The following ADGRL2 variants were observed in gnomAD, a reference collection of about 807,000 sequenced individuals.
The protein encoded by ADGRL2 is adhesion G protein-coupled receptor L2.
A neutral mutation model predicts 157.4 loss-of-function variants in ADGRL2; 44 were observed. That is an observed-to-expected ratio of 0.28 (90% CI 0.22 to 0.36). The LOEUF is 0.36. Among genes scored for constraint, ADGRL2 ranks in the 10% least tolerant of loss-of-function variants. ADGRL2 has a pLI of 1.00. For missense variants in ADGRL2, 1,510 were observed against 1,768.9 expected (o/e 0.85, Z 2.63); for synonymous variants, 585 against 624.7 (o/e 0.94, Z 0.95).
chr1:81,407,389 C>T (rs1557665956), intron 1 of ADGRL2, among the ~76,000 whole-genome samples: 1 of 152,210 alleles, frequency 6.6e-6, no homozygotes, highest in Non-Finnish European at 1.5e-5. Context: ...CCTGTTGGAA[C>T]TCTGAGACAG....
intron 2 of ADGRL2, among the ~76,000 whole-genome samples, chr1:81,493,976 G>C (rs1013172910): frequency 1.3e-5 from 2 of 152,102 alleles, no homozygotes; most frequent in East Asian, 3.9e-4. Context: ...AGTAGGACAA[G>C]ATAGAGGCAC....
chr1:81,465,406 A>G (rs1024891641), intron 2 of ADGRL2, among the ~76,000 whole-genome samples: 2 of 152,178 alleles, frequency 1.3e-5, no homozygotes, highest in Non-Finnish European at 2.9e-5. Flanking sequence ...TAAATAAGTA[A>G]AAGAAACTAA....
chr1:81,608,200 G>T (rs766549891), intron 3 of ADGRL2, among the ~76,000 whole-genome samples: 2 of 152,110 alleles, frequency 1.3e-5, no homozygotes, highest in Non-Finnish European at 2.9e-5. Flanking sequence ...CTTCAGGAAG[G>T]TTCACTGTTC....
intron 2 of ADGRL2, among the ~76,000 whole-genome samples, chr1:81,577,817 G>C (rs754869101): frequency 6.6e-6 from 1 of 152,126 alleles, no homozygotes; most frequent in Non-Finnish European, 1.5e-5. Flanking sequence ...CACTGTGTGT[G>C]TGGGTTTCAC....
intron 1 of ADGRL2, among the ~76,000 whole-genome samples, chr1:81,409,458 A>G (rs906015432): frequency 6.6e-6 from 1 of 152,196 alleles, no homozygotes; most frequent in East Asian, 1.9e-4. Flanking sequence ...GATACCTTCT[A>G]TTTTTGGCAC....
intron 1 of ADGRL2, among the ~76,000 whole-genome samples, chr1:81,342,187 C>T (rs1457070160): frequency 1.3e-5 from 2 of 152,122 alleles, no homozygotes; most frequent in Admixed American, 1.3e-4. Flanking sequence ...AAATTTCCCA[C>T]CTGAATATTT....
Position 81,429,370 on chromosome 1 carries a change from GC to G in ADGRL2, c.-301-15665del, listed in dbSNP as rs111606341. Among the ~76,000 whole-genome samples the G allele has an allele frequency of 6.7e-3, 1,016 of 152,224 alleles. 12 individuals are homozygous for G. The highest frequency in any genetic ancestry group is 0.023 in the African/African-American group (968 of 41,520). ...TTCATGCAGTGTAAAAGAGCCACAG[GC>G]TAAAAAGCAATGCCTAATCTCTAAT... On this transcript the variant is annotated intron_variant, in intron 1 of 24. Coordinates refer to the ADGRL2 transcript ENST00000370721.
At chr1:81,722,140 A>G in intron 1 of ADGRL2, 1 of 360,574 alleles carries the variant, frequency 2.8e-6, no homozygotes, top group African/African-American at 2.1e-5. Flanking sequence ...AAAAATATAA[A>G]AAATTAGCCG....
At chr1:81,740,656 T>C (rs2085044096) in intron 1 of ADGRL2, among the ~76,000 whole-genome samples, 1 of 152,158 alleles carries the variant, frequency 6.6e-6, no homozygotes, top group South Asian at 2.1e-4. Context: ...TGCTTACTGT[T>C]TGTGCTATAT....
chr1:81,347,739 G>A (rs1318214328), intron 1 of ADGRL2, among the ~76,000 whole-genome samples: 2 of 152,248 alleles, frequency 1.3e-5, no homozygotes, highest in African/African-American at 4.8e-5. Flanking sequence ...GTGGCTGAAC[G>A]AACAGTTGAT....
chr1:81,336,129 G>GCCTTGT (rs1204061625), intron 1 of ADGRL2, among the ~76,000 whole-genome samples: 2 of 152,142 alleles, frequency 1.3e-5, no homozygotes, highest in African/African-American at 4.8e-5. Flanking sequence ...ACGTTCAGTG[G>GCCTTGT]CCTTGTCGGA....
chr1:81,307,128 T>A (rs1159047894), intron 1 of ADGRL2, among the ~76,000 whole-genome samples: 2 of 152,154 alleles, frequency 1.3e-5, no homozygotes, highest in Admixed American at 6.5e-5. Flanking sequence ...ATGTGATTAT[T>A]TATTGTTTTG....
At chr1:81,625,854 A>G (rs1280193986) in intron 3 of ADGRL2, 3 of 152,206 alleles carry the variant, frequency 2.0e-5, no homozygotes, top group Non-Finnish European at 2.9e-5. Flanking sequence ...CTTTAGAACA[A>G]ACCACACTTA....
chr1:81,343,831 G>A (rs1206504370), intron 1 of ADGRL2, among the ~76,000 whole-genome samples: 1 of 152,142 alleles, frequency 6.6e-6, no homozygotes, highest in Non-Finnish European at 1.5e-5. Context: ...GACCTCGTCT[G>A]AACCTAATTA....
chr1:81,333,526 C>A (rs974629292), intron 1 of ADGRL2, among the ~76,000 whole-genome samples: 1 of 152,114 alleles, frequency 6.6e-6, no homozygotes, highest in African/African-American at 2.4e-5. Flanking sequence ...AGTGATTCTC[C>A]TACCTCAGCC....
rs143202057 is a variant in ADGRL2, at chr1:81,490,280, C to T, written c.-248+45191C>T. On this transcript the variant is annotated intron_variant, in intron 2 of 24. Coordinates refer to the ADGRL2 transcript ENST00000370721. ...CCAAGTAGCTGGAATTACAGGTGTG[C>T]GCCATGATGTCTGGCTACTTTTTGT... Among the ~76,000 whole-genome samples the T allele has an allele frequency of 9.2e-5, 14 of 152,036 alleles. No homozygotes were observed. The East Asian group carries it at 1.2e-3, about 13-fold the overall frequency.
chr1:81,414,725 C>G (rs1428176922), intron 1 of ADGRL2, among the ~76,000 whole-genome samples: 3 of 152,196 alleles, frequency 2.0e-5, no homozygotes, highest in Non-Finnish European at 4.4e-5. Flanking sequence ...TTAACAGCTG[C>G]TGAGTCTCAT....
At chr1:81,883,386 T>A (rs1352612518) in intron 2 of ADGRL2, among the ~76,000 whole-genome samples, 1 of 152,180 alleles carries the variant, frequency 6.6e-6, no homozygotes, top group Non-Finnish European at 1.5e-5. Context: ...GTGATCATGT[T>A]CTTCTCACAT....
intron 1 of ADGRL2, among the ~76,000 whole-genome samples, chr1:81,732,253 G>A (rs1182864628): frequency 2.0e-5 from 3 of 152,122 alleles, no homozygotes; most frequent in South Asian, 2.1e-4. Context: ...ATGTATTGCT[G>A]TAAAATCTCT....
Sources: gnomAD v4.1 joint callset for allele counts (sites outside exome capture counted in the v4.1 genomes callset) on GRCh38, gnomAD v4.1.1 for gene constraint, MANE v1.5 for transcripts, NCBI Gene and HGNC (gene_info 2026-07-23, HGNC 2026-07-21) for gene names.